PCNX4: variants seen among roughly 807,000 people sequenced by gnomAD.
PCNX4 encodes the protein pecanex-like protein 4.
Under a neutral mutation model 107.2 loss-of-function variants are expected in PCNX4, and 103 were observed. The observed-to-expected ratio is 0.96, with a 90% CI of 0.82 to 1.13. The LOEUF is 1.13. Ranked by LOEUF, PCNX4 falls within the 50% of genes most tolerant of loss-of-function variation. The pLI is 0.00. For synonymous variants in PCNX4, 541 were observed against 481.7 expected (o/e 1.12, Z -1.61); for missense variants, 1,528 against 1,379.4 (o/e 1.11, Z -1.71).
chr14:60,116,186 C>G, intron 6 of PCNX4, 126 bp downstream of exon 6: 4 of 944,312 alleles, frequency 4.2e-6, no homozygotes, highest in Non-Finnish European at 6.0e-6. Context: ...TTTCAACATC[C>G]CAAAAAGAAA....
At chr14:60,109,374 A>C (rs1378836890) in intron 2 of PCNX4, 1 of 167,158 alleles carries the variant, frequency 6.0e-6, no homozygotes, top group Non-Finnish European at 1.5e-5. Flanking sequence ...AATACCTAAA[A>C]ATGTGGAAAT....
At position 60,143,561 on chromosome 14, in the gene PCNX4, T is replaced by A. The variant is rs1296254765; in HGVS notation, c.*9340T>A. The A allele has an allele frequency of 6.6e-6, 1 of 152,266 alleles. No individual in the cohort carries two copies. The highest frequency in any genetic ancestry group is 1.9e-4 in the East Asian group (1 of 5,202). The allele number at this position is 152,266 out of a possible 1,614,324, so 9.4% of individuals were successfully genotyped here. A position where few individuals can be genotyped will look rare whatever the true frequency, so the allele number is the denominator to read the frequency against. On this transcript the variant is annotated 3_prime_UTR_variant, in exon 11 of 11. Coordinates refer to ENST00000406854, the MANE Select transcript of PCNX4 (RefSeq NM_001330177.2). ...TTCTGTGCACATATATTTGTGTATG[T>A]GAACAGTATTGTGTTAGCGTTGCTT...
At chr14:60,098,405 T>G (rs1895467366) in intron 1 of PCNX4, among the ~76,000 whole-genome samples, 1 of 152,228 alleles carries the variant, frequency 6.6e-6, no homozygotes, top group Admixed American at 6.5e-5. Context: ...TGAGCCACTT[T>G]GTATTTCTTT....
chr14:60,100,679 A>T (rs970774504), intron 1 of PCNX4, among the ~76,000 whole-genome samples: 2 of 152,192 alleles, frequency 1.3e-5, no homozygotes, highest in Admixed American at 6.5e-5. Flanking sequence ...ATCTTGCCCA[A>T]ATTCCTGTCT....
Position 60,146,681 on chromosome 14 carries a change from C to CTG in PCNX4, c.*12468_*12469dup, listed in dbSNP as rs1896414364. 1 of 134,652 alleles carries CTG rather than the reference C, an allele frequency of 7.4e-6. No individual in the cohort carries two copies. The highest frequency in any genetic ancestry group is 2.6e-4 in the South Asian group (1 of 3,868). 8.3% of individuals were successfully genotyped at this position (134,652 alleles called of 1,614,324 possible). On this transcript the variant is annotated 3_prime_UTR_variant, in exon 11 of 11. Coordinates refer to ENST00000406854, the MANE Select transcript of PCNX4 (RefSeq NM_001330177.2). This position sits in a 1 kb window ranked among gnomAD's most constrained non-coding sequence, Gnocchi z 4.9. ...GGATAAAGAAAATGTGTGTGTGTGT[C>CTG]TGTGTGTGTATATATATATATGGAA...
Position 60,115,190 on chromosome 14 carries a change from A to G in PCNX4, c.1086A>G (p.Ile362Met), listed in dbSNP as rs1031014866. 22 of 1,613,490 alleles carry G rather than the reference A, an allele frequency of 1.4e-5. No individual in the cohort carries two copies. Among genetic ancestry groups the G allele is most frequent in the Admixed American group, 1.3e-4 (8 of 60,002 alleles). The stretch of plus-strand genomic sequence containing the variant: ...AGGAATGCCTTTTCTACATCATTAT[A>G]TTAGTCTTGGCTCTTTTAGAAACTA... ...SWKECLFYII[I>M]LVLALLETSL... Residue 362 changes from isoleucine to methionine, a missense_variant, in exon 4 of 11, where the codon ATA becomes ATG. Physicochemically the swap from Ile to Met is conservative, Grantham distance 10. Coordinates refer to ENST00000406854, the MANE Select transcript of PCNX4 (RefSeq NM_001330177.2).
intron 6 of PCNX4, 68 bp from the exon 7 acceptor site, chr14:60,118,257 GTCTT>G: frequency 1.4e-6 from 2 of 1,452,808 alleles, no homozygotes; most frequent in Non-Finnish European, 1.8e-6. Context: ...TGTATAGTCT[GTCTT>G]ATATGATCTT....
chr14:60,118,187 CAAA>C, intron 6 of PCNX4, 139 bp from the exon 7 acceptor site: 1 of 1,221,644 alleles, frequency 8.2e-7, no homozygotes, highest in Non-Finnish European at 1.1e-6. Flanking sequence ...AGAAAATTAA[CAAA>C]AAAATCAAAG....
Position 60,134,449 on chromosome 14 carries a change from C to G in PCNX4, c.*228C>G, listed in dbSNP as rs1264624968. On this transcript the variant is annotated 3_prime_UTR_variant, in exon 11 of 11. Transcript: ENST00000406854. ...GAACTATTTGGCCAATATTTGTGCC[C>G]TCTGGACTTTAGTAGGCTTTGGTAA... The G allele has an allele frequency of 2.1e-6, 1 of 481,574 alleles. No homozygotes were observed. Among genetic ancestry groups the G allele is most frequent in the East Asian group, 3.4e-5 (1 of 29,754 alleles). The allele number at this position is 481,574 out of a possible 1,614,324, so 29.8% of individuals were successfully genotyped here.
Position 60,116,105 on chromosome 14 carries a change from C to T in PCNX4, c.1578+45C>T, listed in dbSNP as rs548676772. 99 of 1,476,608 alleles carry T rather than the reference C, an allele frequency of 6.7e-5. No individual in the cohort carries two copies. The African/African-American group carries it at 1.3e-3, about 19-fold the overall frequency. The allele number at this position is 1,476,608 out of a possible 1,614,324, so 91.5% of individuals were successfully genotyped here. Reference sequence around the variant, plus strand: ...GCTTTACTGAAATATATTTTACATACTATAATATTTGTCCATTTAGTGGTG... The same window carrying T: ...GCTTTACTGAAATATATTTTACATATTATAATATTTGTCCATTTAGTGGTG... On this transcript the variant is annotated intron_variant, in intron 6 of 10. Transcript: ENST00000406854.
chr14:60,109,912 G>A (rs1184665787), intron 2 of PCNX4: 2 of 167,166 alleles, frequency 1.2e-5, no homozygotes, highest in African/African-American at 4.8e-5. Context: ...TACGTAAGGA[G>A]AGTTCAAAGC....
In PCNX4 at chr14:60,146,366, G is replaced by A. The variant is rs1009325786; in HGVS notation, c.*12145G>A. 23 of 152,082 alleles carry A rather than the reference G, an allele frequency of 1.5e-4. No homozygotes were observed. In the East Asian group the frequency reaches 2.5e-3, roughly 17 times the overall value. The allele number at this position is 152,082 out of a possible 1,614,324, so 9.4% of individuals were successfully genotyped here. A position where few individuals can be genotyped will look rare whatever the true frequency, so the allele number is the denominator to read the frequency against. ...GTGGGACTGAAATTCTCTAGTCCCTGGTCCCTCTTTCCCCTTTGAAAAAAA... is the reference window on the plus strand; with the variant it reads ...GTGGGACTGAAATTCTCTAGTCCCTAGTCCCTCTTTCCCCTTTGAAAAAAA... On this transcript the variant is annotated 3_prime_UTR_variant, in exon 11 of 11. Coordinates refer to ENST00000406854, the MANE Select transcript of PCNX4 (RefSeq NM_001330177.2). The surrounding 1 kb of genome is among the most constrained non-coding windows in gnomAD (Gnocchi z 4.9).
In PCNX4 at chr14:60,114,892, A is replaced by G; in HGVS notation, c.869+13A>G. ...CAACCCACTTACGGTATTTATTTTTAAATATTGATGTTATATGTAATATTC... is the reference window on the plus strand; with the variant it reads ...CAACCCACTTACGGTATTTATTTTTGAATATTGATGTTATATGTAATATTC... On this transcript the variant is annotated intron_variant, in intron 3 of 10. Coordinates refer to ENST00000406854, the MANE Select transcript of PCNX4 (RefSeq NM_001330177.2). The G allele has an allele frequency of 6.3e-7, 1 of 1,588,598 alleles. No homozygotes were observed. The highest frequency in any genetic ancestry group is 8.5e-7 in the Non-Finnish European group (1 of 1,171,688).
At chr14:60,100,936 A>C (rs1282152677) in intron 1 of PCNX4, among the ~76,000 whole-genome samples, 2 of 152,234 alleles carry the variant, frequency 1.3e-5, no homozygotes, top group Admixed American at 1.3e-4. Context: ...TTCCAGATCC[A>C]AGAGATAATC....
intron 10 of PCNX4, among the ~76,000 whole-genome samples, chr14:60,129,015 C>G (rs1397182494): frequency 6.6e-6 from 1 of 150,676 alleles, no homozygotes; most frequent in Non-Finnish European, 1.5e-5. Flanking sequence ...GAGTTTGAGA[C>G]CAGCCTGGCC....
chr14:60,115,953 A>AC lies in PCNX4; in HGVS notation c.1472dup (p.Glu492ArgfsTer41), dbSNP rs1440744725. On this transcript the variant is annotated frameshift_variant, in exon 6 of 11. Coordinates refer to ENST00000406854, the MANE Select transcript of PCNX4 (RefSeq NM_001330177.2). LOFTEE classifies it high-confidence loss of function. ...TTGTATACTGCAGGTATGGCAGAAT[A>AC]CAGAAAATGCTTTATTGGAGACAGT... The AC allele has an allele frequency of 6.2e-7, 1 of 1,610,978 alleles. No homozygotes were observed. Among genetic ancestry groups the AC allele is most frequent in the East Asian group, 2.2e-5 (1 of 44,826 alleles).
intron 1 of PCNX4, among the ~76,000 whole-genome samples, chr14:60,107,098 C>G (rs1895643761): frequency 6.6e-6 from 1 of 152,016 alleles, no homozygotes; most frequent in Non-Finnish European, 1.5e-5. Flanking sequence ...AAATAAAAAA[C>G]AAGGCTGAGC....
chr14:60,131,345 A>G (rs1896151569), intron 10 of PCNX4, among the ~76,000 whole-genome samples: 1 of 152,216 alleles, frequency 6.6e-6, no homozygotes, highest in Non-Finnish European at 1.5e-5. Flanking sequence ...AAAGCTTAGA[A>G]CTGATTAACA....
Position 60,142,989 on chromosome 14 carries a change from A to AAAAGAAAGAAAGAAAGAAAG in PCNX4, c.*8771_*8772insGAAAGAAAGAAAGAAAGAAA, listed in dbSNP as rs1896324912. The AAAAGAAAGAAAGAAAGAAAG allele has an allele frequency of 6.6e-6, 1 of 152,154 alleles. No individual in the cohort carries two copies. Among genetic ancestry groups the AAAAGAAAGAAAGAAAGAAAG allele is most frequent in the African/African-American group, 2.4e-5 (1 of 41,404 alleles). 9.4% of individuals were successfully genotyped at this position (152,154 alleles called of 1,614,324 possible). A position where few individuals can be genotyped will look rare whatever the true frequency, so the allele number is the denominator to read the frequency against. ...CAAAAGAAAGAAAGAAAGAAAGAAA[A>AAAAGAAAGAAAGAAAGAAAG]AAATGCCATACAGATGAATCTTTAA... is the stretch of plus-strand genomic sequence containing the variant. On this transcript the variant is annotated 3_prime_UTR_variant, in exon 11 of 11. Transcript: ENST00000406854. The surrounding 1 kb of genome is among the most constrained non-coding windows in gnomAD (Gnocchi z 4.7).
Sources: gnomAD v4.1 joint callset for allele counts (sites outside exome capture counted in the v4.1 genomes callset) on GRCh38, gnomAD v4.1.1 for gene constraint, Gnocchi (gnomAD v3.1) non-coding constraint, MANE v1.5 for transcripts, NCBI Gene and HGNC (gene_info 2026-07-23, HGNC 2026-07-21) for gene names.